Variants in IFNG observed in about 807,000 individuals in gnomAD.
IFNG encodes the protein IFN-gamma.
IFNG carries 8 observed loss-of-function variants against 14.4 expected under a neutral mutation model. The observed-to-expected ratio is 0.56, with a 90% CI of 0.33 to 1.00. The LOEUF (loss-of-function observed/expected upper bound fraction) is 1.00. IFNG is among the 50% of genes least tolerant of loss of function. The pLI is 0.03. For missense variants in IFNG, 132 were observed against 194.9 expected, an observed-to-expected ratio of 0.68 and a Z score of 1.92; for synonymous variants, 73 against 65.4, an observed-to-expected ratio of 1.12 and a Z score of -0.56.
Position 68,157,843 on chromosome 12 carries a change from CT to C in IFNG, c.366+69del, listed in dbSNP as rs1882623557. ...GCAACTGTTAAATAGCTAATGTCTA[CT>C]TTCTGGAGAATAAATGCTTTGCAAG... On this transcript the variant is annotated intron_variant, in intron 3 of 3. Coordinates refer to ENST00000229135, the MANE Select transcript of IFNG (RefSeq NM_000619.3). 5 of 1,148,062 alleles carry C rather than the reference CT, an allele frequency of 4.4e-6. No homozygotes were observed. The African/African-American group carries it at 7.7e-5, about 18-fold the overall frequency. The allele number at this position is 1,148,062 out of a possible 1,614,324, so 71.1% of individuals were successfully genotyped here. A position where few individuals can be genotyped will look rare whatever the true frequency, so the allele number is the denominator to read the frequency against.
Position 68,159,624 on chromosome 12 carries a change from A to G in IFNG, c.-9T>C, listed in dbSNP as rs886049803. On this transcript the variant is annotated 5_prime_UTR_variant, in exon 1 of 4. Coordinates refer to ENST00000229135, the MANE Select transcript of IFNG (RefSeq NM_000619.3). ...TAACTTGTATATTTCATCGTTTCCG[A>G]GAGAATTAAGCCAAAGAAGTTGAAA... The G allele has an allele frequency of 6.8e-7, 1 of 1,467,896 alleles. No individual in the cohort carries two copies. The highest frequency in any genetic ancestry group is 9.5e-7 in the Non-Finnish European group (1 of 1,053,956). The allele number at this position is 1,467,896 out of a possible 1,614,324, so 90.9% of individuals were successfully genotyped here.
At chr12:68,159,017 T>C (rs541021715) in intron 1 of IFNG, among the ~76,000 whole-genome samples, 219 of 152,316 alleles carry the variant, frequency 1.4e-3, no homozygotes, top group African/African-American at 4.9e-3. Context: ...AAGCAGAATG[T>C]TGAAATCACT....
intron 3 of IFNG, among the ~76,000 whole-genome samples, chr12:68,156,786 C>T (rs745989394): frequency 1.7e-4 from 26 of 152,040 alleles, no homozygotes; most frequent in Non-Finnish European, 2.8e-4. Context: ...CCAGGGGCAC[C>T]ACTGGATTAG....
Position 68,154,918 on chromosome 12 carries a change from C to T in IFNG, c.*435G>A, listed in dbSNP as rs1279177329. On this transcript the variant is annotated 3_prime_UTR_variant, in exon 4 of 4. Transcript: ENST00000229135. ...TGAGATGCTATGTTTTCATCAGGGT[C>T]ACCTGACACATTCAAGTTCTGTCTG... 6.5e-6 allele frequency: 1 copy of T among 153,146 alleles called. No homozygotes were observed. The highest frequency in any genetic ancestry group is 1.9e-4 in the East Asian group (1 of 5,336). 9.5% of individuals were successfully genotyped at this position (153,146 alleles called of 1,614,324 possible). A position where few individuals can be genotyped will look rare whatever the true frequency, so the allele number is the denominator to read the frequency against.
Position 68,159,506 on chromosome 12 carries a change from T to C in IFNG, c.110A>G (p.Tyr37Cys), listed in dbSNP as rs1477303678. ...YVKEAENLKK[Y>C]FNAGHSDVAD... ...CTATTAAAAAGTCATACTTACAAAA[T>C]ATTTCTTAAGGTTTTCTGCTTCTTT... The change falls in exon 1 of 4, where the codon TAT (tyrosine) becomes TGT (cysteine). Residue 37 changes from tyrosine to cysteine, a missense_variant. Physicochemically the swap from Tyr to Cys is radical, Grantham distance 194. Transcript: ENST00000229135. 1 of 1,528,958 alleles carries C rather than the reference T, an allele frequency of 6.5e-7. No homozygotes were observed. The highest frequency in any genetic ancestry group is 1.2e-5 in the South Asian group (1 of 86,758). 94.7% of individuals were successfully genotyped at this position (1,528,958 alleles called of 1,614,324 possible).
intron 3 of IFNG, among the ~76,000 whole-genome samples, chr12:68,156,757 T>C (rs1882607661): frequency 6.6e-6 from 1 of 152,120 alleles, no homozygotes; most frequent in African/African-American, 2.4e-5. Context: ...AAGAGACTTA[T>C]CCAGGACTGA....
rs369065118 is a variant in IFNG, at chr12:68,158,236, C to T, written c.138G>A (p.Ala46=). 104 of 1,606,072 alleles carry T rather than the reference C, an allele frequency of 6.5e-5. No individual in the cohort carries two copies. Among genetic ancestry groups the T allele is most frequent in the Admixed American group, 1.0e-4 (6 of 59,078 alleles). ...KYFNAGHSDV[A]DNGTLFLGIL... The stretch of plus-strand genomic sequence containing the variant: ...TGCCTAAGAAAAGAGTTCCATTATC[C>T]GCTACATCTGAATGACCTGCATTCT... The change falls in exon 2 of 4, where the codon GCG becomes GCA. Residue 46 remains alanine, a synonymous_variant. Transcript: ENST00000229135.
At position 68,157,913 on chromosome 12, in the gene IFNG, C is replaced by A; in HGVS notation, c.366G>T (p.Ser122=). Residue 122 remains serine (S), a splice_region_variant and synonymous_variant, in exon 3 of 4, where the codon TCG becomes TCT. Coordinates refer to ENST00000229135, the MANE Select transcript of IFNG (RefSeq NM_000619.3). ...AAAGAAAGAATTTAAATAGCCTCAC[C>A]GAATAATTAGTCAGCTTTTCGAAGT... ...RDDFEKLTNY[S]VTDLNVQRKA... is the part of the protein sequence containing the mutation. 1.9e-6 allele frequency: 3 copies of A among 1,586,572 alleles called. No individual in the cohort carries two copies.
At chr12:68,157,695 C>T (rs1357669992) in intron 3 of IFNG, among the ~76,000 whole-genome samples, 1 of 152,204 alleles carries the variant, frequency 6.6e-6, no homozygotes, top group African/African-American at 2.4e-5. Context: ...GCAATAGTTA[C>T]AATGCCAGCA....
chr12:68,159,408 C>A, intron 1 of IFNG, 94 bp downstream of exon 1: 1 of 624,680 alleles, frequency 1.6e-6, no homozygotes, highest in South Asian at 2.0e-5. Context: ...AAATGACTGC[C>A]TACAAGAGAT....
intron 1 of IFNG, among the ~76,000 whole-genome samples, chr12:68,158,830 A>G (rs1261037106): frequency 2.6e-5 from 4 of 152,170 alleles, no homozygotes; most frequent in African/African-American, 9.6e-5. Context: ...TAAGTTTTAA[A>G]CAAATAATGA....
In IFNG at chr12:68,159,430, A is replaced by G. The variant is rs2069711; in HGVS notation, c.114+72T>C. 13 of 716,372 alleles carry G rather than the reference A, an allele frequency of 1.8e-5. No homozygotes were observed. The African/African-American group carries it at 2.3e-4, about 13-fold the overall frequency. The allele number at this position is 716,372 out of a possible 1,614,324, so 44.4% of individuals were successfully genotyped here. ...TGCCTACAAGAGATGACAGCCTATC[A>G]GAGATGCTACAGCAAGTCGATATTC... On this transcript the variant is annotated intron_variant, in intron 1 of 3. Coordinates refer to ENST00000229135, the MANE Select transcript of IFNG (RefSeq NM_000619.3).
At position 68,159,558 on chromosome 12, in the gene IFNG, C is replaced by T; in HGVS notation, c.58G>A (p.Gly20Ser). Residue 20 changes from glycine to serine, a missense_variant, in exon 1 of 4, where the codon GGC becomes AGC. Physicochemically the swap from Gly to Ser is moderately conservative, Grantham distance 56 (BLOSUM62 0). Coordinates refer to ENST00000229135, the MANE Select transcript of IFNG (RefSeq NM_000619.3). ...FQLCIVLGSL[G>S]CYCQDPYVKE... ...ACATATGGGTCCTGGCAGTAACAGC[C>T]AAGAGAACCCAAAACGATGCAGAGC... 1 of 1,606,698 alleles carries T rather than the reference C, an allele frequency of 6.2e-7. No individual in the cohort carries two copies. Among genetic ancestry groups the T allele is most frequent in the East Asian group, 2.2e-5 (1 of 44,846 alleles).
chr12:68,158,351 A>G, intron 1 of IFNG, 92 bp from the exon 2 acceptor site: 2 of 813,064 alleles, frequency 2.5e-6, no homozygotes, highest in Non-Finnish European at 3.8e-6. Context: ...AGATGTGACA[A>G]TATTCACTGA....
Position 68,159,645 on chromosome 12 carries a change from T to G in IFNG, c.-30A>C. The G allele has an allele frequency of 8.3e-7, 1 of 1,201,578 alleles. No individual in the cohort carries two copies. The highest frequency in any genetic ancestry group is 1.2e-6 in the Non-Finnish European group (1 of 816,928). The allele number at this position is 1,201,578 out of a possible 1,614,324, so 74.4% of individuals were successfully genotyped here. On this transcript the variant is annotated 5_prime_UTR_variant, in exon 1 of 4. Coordinates refer to ENST00000229135, the MANE Select transcript of IFNG (RefSeq NM_000619.3). ...TCCGAGAGAATTAAGCCAAAGAAGT[T>G]GAAATCAGTAGTTCTTGTATCAAGC...
At chr12:68,159,478 G>T in intron 1 of IFNG, 24 bp downstream of exon 1, 1 of 1,109,738 alleles carries the variant, frequency 9.0e-7, no homozygotes, top group Non-Finnish European at 1.4e-6. Flanking sequence ...CCACAAACAA[G>T]TACTATTAAA....
At chr12:68,157,175 G>A (rs1353357063) in intron 3 of IFNG, among the ~76,000 whole-genome samples, 1 of 152,178 alleles carries the variant, frequency 6.6e-6, no homozygotes. Flanking sequence ...TTGATAGAGA[G>A]TTGATAGAAC....
In IFNG at chr12:68,158,180, A is replaced by G. The variant is rs375046942; in HGVS notation, c.183+11T>C. Reference sequence around the variant, plus strand: ...ACAGGAAAATTAGCCAAATGGGAATATTCAGCTTACCTCTTTCCAATTCTT... The same window carrying G: ...ACAGGAAAATTAGCCAAATGGGAATGTTCAGCTTACCTCTTTCCAATTCTT... On this transcript the variant is annotated intron_variant, in intron 2 of 3. Transcript: ENST00000229135. 13 of 1,606,990 alleles carry G rather than the reference A, an allele frequency of 8.1e-6. No individual in the cohort carries two copies. Among genetic ancestry groups the G allele is most frequent in the Admixed American group, 1.7e-5 (1 of 59,090 alleles).
intron 3 of IFNG, 151 bp from the exon 4 acceptor site, chr12:68,155,638 G>A (rs1000380019): frequency 1.8e-6 from 1 of 567,974 alleles, no homozygotes; most frequent in African/African-American, 2.0e-5. Flanking sequence ...TTCAGCAGTT[G>A]AAGCTAAAAA....
Sources: gnomAD v4.1 joint callset for allele counts (sites outside exome capture counted in the v4.1 genomes callset) on GRCh38, gnomAD v4.1.1 for gene constraint, MANE v1.5 for transcripts, NCBI Gene and HGNC (gene_info 2026-07-23, HGNC 2026-07-21) for gene names.